FHIT: variants seen among roughly 807,000 people sequenced by gnomAD.
FHIT encodes fragile histidine triad diadenosine triphosphatase.
FHIT carries 19 observed loss-of-function variants against 17.9 expected under a neutral mutation model. The ratio of observed to expected loss-of-function variants is 1.06; its 90% CI spans 0.74 to 1.56. FHIT has a LOEUF of 1.56. Ranked by LOEUF, FHIT falls within the 40% of genes most tolerant of loss-of-function variation. The pLI, the probability that FHIT is intolerant of heterozygous loss-of-function variation, is 0.00. For missense variants in FHIT, 248 were observed against 189.2 expected (o/e 1.31, Z -1.82); for synonymous variants, 81 against 69.7 (o/e 1.16, Z -0.81).
In FHIT at chr3:61,026,113, A is replaced by T. The variant is rs561533192; in HGVS notation, c.-111+15934T>A. Among the ~76,000 whole-genome samples, 5 of 152,316 alleles carry T rather than the reference A, an allele frequency of 3.3e-5. No homozygotes were observed. In the South Asian group the frequency reaches 1.0e-3, roughly 32 times the overall value. On this transcript the variant is annotated intron_variant, in intron 3 of 9. Coordinates refer to ENST00000492590, the MANE Select transcript of FHIT (RefSeq NM_002012.4). Reference sequence around the variant, plus strand: ...CATTTTCTGCTGTTCTGCAACAAGCATGAAATGATTTTATGCTCAGGGAGA... The same window carrying T: ...CATTTTCTGCTGTTCTGCAACAAGCTTGAAATGATTTTATGCTCAGGGAGA...
intron 4 of FHIT, among the ~76,000 whole-genome samples, chr3:60,647,938 G>A (rs1194291699): frequency 2.0e-5 from 3 of 152,158 alleles, no homozygotes; most frequent in East Asian, 1.9e-4. Context: ...TAGTGACCCA[G>A]CAGAAATACA....
At chr3:59,860,505 T>C (rs1310842457) in intron 8 of FHIT, among the ~76,000 whole-genome samples, 1 of 152,226 alleles carries the variant, frequency 6.6e-6, no homozygotes, top group Admixed American at 6.6e-5. Flanking sequence ...AATATAATTC[T>C]TCTGTTATTC....
intron 4 of FHIT, among the ~76,000 whole-genome samples, chr3:60,546,220 C>A (rs1288678485): frequency 6.6e-6 from 1 of 152,096 alleles, no homozygotes; most frequent in Non-Finnish European, 1.5e-5. Context: ...GATATTTTAT[C>A]TTTTCGTTTG....
intron 5 of FHIT, among the ~76,000 whole-genome samples, chr3:60,366,257 C>A (rs543419626): frequency 6.6e-6 from 1 of 152,228 alleles, no homozygotes; most frequent in East Asian, 1.9e-4. Flanking sequence ...CTCAATGCAA[C>A]CTCTGCCTCC....
At chr3:60,416,187 A>C (rs12172960) in intron 5 of FHIT, among the ~76,000 whole-genome samples, 34,043 of 151,944 alleles carry the variant, frequency 0.22, 4,239 homozygotes, top group East Asian at 0.48. Flanking sequence ...AAAATATCAC[A>C]AAATTCCCCA....
chr3:60,197,744 C>T (rs1288496370), intron 5 of FHIT, among the ~76,000 whole-genome samples: 1 of 152,100 alleles, frequency 6.6e-6, no homozygotes, highest in Non-Finnish European at 1.5e-5. Context: ...ATCTGAAAAA[C>T]CTTTGTACAT....
At chr3:60,938,765 A>G (rs921727186) in intron 3 of FHIT, among the ~76,000 whole-genome samples, 4 of 152,244 alleles carry the variant, frequency 2.6e-5, no homozygotes, top group African/African-American at 9.6e-5. Context: ...CAATTCTCCA[A>G]GTTTCTCACA....
At chr3:59,798,595 C>G (rs575504762) in intron 8 of FHIT, among the ~76,000 whole-genome samples, 2 of 152,342 alleles carry the variant, frequency 1.3e-5, no homozygotes, top group African/African-American at 4.8e-5. Flanking sequence ...TATACACTGA[C>G]AGAACGCTTG....
chr3:60,732,360 C>T, intron 4 of FHIT: 1 of 851,514 alleles, frequency 1.2e-6, no homozygotes. Flanking sequence ...GCCAGTACCT[C>T]TATGCTTCAG....
chr3:59,920,676 C>T (rs1705359226), intron 8 of FHIT, among the ~76,000 whole-genome samples: 1 of 152,160 alleles, frequency 6.6e-6, no homozygotes, highest in South Asian at 2.1e-4. Context: ...AATTCACGTG[C>T]TAATTTATTC....
intron 3 of FHIT, among the ~76,000 whole-genome samples, chr3:61,030,464 T>A (rs926062454): frequency 6.6e-6 from 1 of 152,226 alleles, no homozygotes; most frequent in Non-Finnish European, 1.5e-5. Flanking sequence ...ATTCAAGGAT[T>A]TATTTGCACT....
At chr3:59,974,215 T>C (rs1049395624) in intron 7 of FHIT, among the ~76,000 whole-genome samples, 7 of 152,124 alleles carry the variant, frequency 4.6e-5, no homozygotes, top group Admixed American at 2.0e-4. Flanking sequence ...AAATGACAGA[T>C]GATTTGCTAC....
At chr3:59,803,062 C>T (rs1175153896) in intron 8 of FHIT, among the ~76,000 whole-genome samples, 1 of 152,128 alleles carries the variant, frequency 6.6e-6, no homozygotes, top group Non-Finnish European at 1.5e-5. Flanking sequence ...ATGGTGCATA[C>T]ATACCAGGCA....
chr3:59,814,967 G>A (rs947634678), intron 8 of FHIT, among the ~76,000 whole-genome samples: 2 of 152,196 alleles, frequency 1.3e-5, no homozygotes, highest in African/African-American at 4.8e-5. Context: ...CAGCTCATGA[G>A]CATAAAGCCA....
At chr3:60,225,779 G>A (rs534531192) in intron 5 of FHIT, among the ~76,000 whole-genome samples, 4 of 152,248 alleles carry the variant, frequency 2.6e-5, no homozygotes, top group South Asian at 4.2e-4. Flanking sequence ...AGACGGACAG[G>A]GGAGCAAATA....
At chr3:60,627,464 T>C (rs2039320202) in intron 4 of FHIT, among the ~76,000 whole-genome samples, 1 of 152,212 alleles carries the variant, frequency 6.6e-6, no homozygotes, top group Non-Finnish European at 1.5e-5. Flanking sequence ...TTCATTGTTT[T>C]CCCTTGTAAT....
intron 4 of FHIT, among the ~76,000 whole-genome samples, chr3:60,612,979 A>G (rs1228852290): frequency 1.3e-5 from 2 of 152,122 alleles, no homozygotes; most frequent in Non-Finnish European, 2.9e-5. Context: ...TGTTACCCTG[A>G]CTGCCATTTA....
chr3:60,627,343 T>A (rs1181478879), intron 4 of FHIT, among the ~76,000 whole-genome samples: 5 of 152,218 alleles, frequency 3.3e-5, no homozygotes, highest in Non-Finnish European at 5.9e-5. Flanking sequence ...TTCAGTCTTT[T>A]TACTTTTGAT....
At chr3:60,469,009 G>C (rs975464360) in intron 5 of FHIT, among the ~76,000 whole-genome samples, 2 of 152,176 alleles carry the variant, frequency 1.3e-5, no homozygotes, top group African/African-American at 4.8e-5. Context: ...CTCCTGGCTT[G>C]TAAGATTTCC....
Sources: allele counts gnomAD v4.1 joint callset (sites outside exome capture counted in the v4.1 genomes callset), GRCh38; gene constraint gnomAD v4.1.1; transcripts MANE v1.5; gene names NCBI Gene and HGNC (gene_info 2026-07-23, HGNC 2026-07-21).